Variants in CRISPLD2 observed in about 807,000 individuals in gnomAD.
CRISPLD2 encodes the protein cysteine rich secretory protein LCCL domain containing 2, also known as cysteine-rich secretory protein LCCL domain-containing 2.
A neutral mutation model predicts 71.1 loss-of-function variants in CRISPLD2; 47 were observed. The ratio of observed to expected loss-of-function variants is 0.66; its 90% CI spans 0.52 to 0.84. The LOEUF (loss-of-function observed/expected upper bound fraction) is 0.84. Ranked by LOEUF, CRISPLD2 falls within the 40% of genes least tolerant of loss-of-function variation. The pLI, the probability that CRISPLD2 is intolerant of heterozygous loss-of-function variation, is 0.00. For missense variants in CRISPLD2, 830 were observed against 651.1 expected, an observed-to-expected ratio of 1.27 and a Z score of -2.99; for synonymous variants, 317 against 250.1, an observed-to-expected ratio of 1.27 and a Z score of -2.52.
intron 1 of CRISPLD2, among the ~76,000 whole-genome samples, chr16:84,835,471 C>G (rs1916596161): frequency 1.3e-5 from 2 of 152,142 alleles, no homozygotes; most frequent in African/African-American, 4.8e-5. Context: ...GAGCCTCATC[C>G]CCTCCCAAGC....
At chr16:84,887,688 C>G (rs933959178) in intron 13 of CRISPLD2, among the ~76,000 whole-genome samples, 1 of 152,038 alleles carries the variant, frequency 6.6e-6, no homozygotes, top group Non-Finnish European at 1.5e-5. Flanking sequence ...ACCAGCCTGA[C>G]CAATATGGAG....
intron 10 of CRISPLD2, 120 bp from the exon 11 acceptor site, chr16:84,873,800 T>C (rs2071495334): frequency 1.1e-6 from 1 of 923,796 alleles, no homozygotes; most frequent in Non-Finnish European, 1.6e-6. Context: ...AGGAAACAAG[T>C]AGAAAAGTGT....
Position 84,854,810 on chromosome 16 carries a change from G to A in CRISPLD2, c.690G>A (p.Arg230=). The part of the protein sequence containing the change: ...ECPPSYGGSC[R]NNLCYREETY... ...CACCCAGCTATGGAGGCAGCTGCAG[G>A]AACAACTTGTGTTACCGAGGTAGGA... Residue 230 remains arginine, a synonymous_variant, in exon 6 of 15, where the codon AGG becomes AGA. Coordinates refer to ENST00000262424, the MANE Select transcript of CRISPLD2 (RefSeq NM_031476.4). The A allele has an allele frequency of 1.2e-6, 2 of 1,614,042 alleles. No individual in the cohort carries two copies. Among genetic ancestry groups the A allele is most frequent in the Non-Finnish European group, 8.5e-7 (1 of 1,179,930 alleles).
intron 5 of CRISPLD2, among the ~76,000 whole-genome samples, chr16:84,851,918 A>G (rs1328466328): frequency 2.0e-5 from 3 of 152,246 alleles, no homozygotes; most frequent in East Asian, 1.9e-4. Context: ...TCTCACATGC[A>G]TTAGTCTGTT....
At chr16:84,898,000 T>C (rs2071721265) in intron 14 of CRISPLD2, among the ~76,000 whole-genome samples, 1 of 152,242 alleles carries the variant, frequency 6.6e-6, no homozygotes, top group South Asian at 2.1e-4. Context: ...CCCTAGCCTG[T>C]CTAGCCACAC....
At chr16:84,834,852 G>C (rs978396052) in intron 1 of CRISPLD2, among the ~76,000 whole-genome samples, 2 of 152,018 alleles carry the variant, frequency 1.3e-5, no homozygotes, top group Non-Finnish European at 2.9e-5. Context: ...CTTCTAGTAA[G>C]GACACCAGTC....
chr16:84,823,993 C>T (rs773830409), intron 1 of CRISPLD2, among the ~76,000 whole-genome samples: 2 of 152,186 alleles, frequency 1.3e-5, no homozygotes, highest in Non-Finnish European at 2.9e-5. Flanking sequence ...AGGGAAAAGA[C>T]TCAACTGGAC....
intron 6 of CRISPLD2, among the ~76,000 whole-genome samples, chr16:84,863,980 GAA>G (rs1442730469): frequency 4.3e-5 from 6 of 139,544 alleles, no homozygotes; most frequent in African/African-American, 1.1e-4. Flanking sequence ...AAAAAAGAAA[GAA>G]AGAGAGAGAG....
At chr16:84,843,245 C>A (rs1307840427) in intron 2 of CRISPLD2, among the ~76,000 whole-genome samples, 2 of 152,200 alleles carry the variant, frequency 1.3e-5, no homozygotes, top group African/African-American at 4.8e-5. Flanking sequence ...AGGGGCCCTG[C>A]CACTCAGCCC....
At chr16:84,882,197 G>C (rs893014508) in intron 13 of CRISPLD2, among the ~76,000 whole-genome samples, 2 of 151,958 alleles carry the variant, frequency 1.3e-5, no homozygotes, top group African/African-American at 4.8e-5. Flanking sequence ...AAGCAAGAGT[G>C]GCAATATTCC....
At chr16:84,866,776 A>C in intron 6 of CRISPLD2, 121 bp from the exon 7 acceptor site, 1 of 938,642 alleles carries the variant, frequency 1.1e-6, no homozygotes, top group Non-Finnish European at 1.6e-6. Context: ...TGCCGCTGAA[A>C]TGATTCTTTG....
At chr16:84,854,437 G>A (rs1917176173) in intron 5 of CRISPLD2, among the ~76,000 whole-genome samples, 1 of 152,208 alleles carries the variant, frequency 6.6e-6, no homozygotes. Context: ...TCAGAGCTGT[G>A]TTGGTGGAAG....
intron 13 of CRISPLD2, among the ~76,000 whole-genome samples, chr16:84,885,600 C>A (rs1054947949): frequency 6.6e-6 from 1 of 152,114 alleles, no homozygotes; most frequent in African/African-American, 2.4e-5. Flanking sequence ...CGCCCTCATC[C>A]GTTTAGTTTA....
At chr16:84,830,619 C>G (rs1916464885) in intron 1 of CRISPLD2, among the ~76,000 whole-genome samples, 1 of 151,966 alleles carries the variant, frequency 6.6e-6, no homozygotes. Context: ...AGGAGAATTG[C>G]TTGAACCCAG....
chr16:84,823,108 ATG>A (rs1916268659), intron 1 of CRISPLD2, among the ~76,000 whole-genome samples: 1 of 152,134 alleles, frequency 6.6e-6, no homozygotes, highest in African/African-American at 2.4e-5. Context: ...GAACCACACA[ATG>A]TGTGGCCTTT....
intron 2 of CRISPLD2, among the ~76,000 whole-genome samples, chr16:84,841,330 G>T (rs1275271965): frequency 6.6e-6 from 1 of 152,138 alleles, no homozygotes; most frequent in East Asian, 1.9e-4. Context: ...CGCCTCGTGA[G>T]TCTCTTTCCT....
At chr16:84,862,764 A>G (rs1192112641) in intron 6 of CRISPLD2, among the ~76,000 whole-genome samples, 1 of 145,040 alleles carries the variant, frequency 6.9e-6, no homozygotes, top group Non-Finnish European at 1.5e-5. Context: ...CTCCGCTGGC[A>G]GGGAAGGGTG....
chr16:84,881,887 G>A (rs987442106), intron 13 of CRISPLD2, among the ~76,000 whole-genome samples: 2 of 152,080 alleles, frequency 1.3e-5, no homozygotes, highest in African/African-American at 4.8e-5. Flanking sequence ...CCAGATTCCT[G>A]TAAATATGAG....
At chr16:84,826,038 G>A (rs1916343687) in intron 1 of CRISPLD2, among the ~76,000 whole-genome samples, 1 of 152,166 alleles carries the variant, frequency 6.6e-6, no homozygotes, top group Non-Finnish European at 1.5e-5. Context: ...CTGGAGACCT[G>A]GATCAGAAGC....
Sources: gnomAD v4.1 joint callset for allele counts (sites outside exome capture counted in the v4.1 genomes callset) on GRCh38, gnomAD v4.1.1 for gene constraint, MANE v1.5 for transcripts, NCBI Gene and HGNC (gene_info 2026-07-23, HGNC 2026-07-21) for gene names.